Variants in TENM2 observed in about 807,000 individuals in gnomAD.
TENM2 encodes teneurin transmembrane protein 2.
Under a neutral mutation model 245.2 loss-of-function variants are expected in TENM2, and 52 were observed. That is an observed-to-expected ratio of 0.21 (90% CI 0.17 to 0.27). TENM2 has a LOEUF of 0.27. Among genes scored for constraint, TENM2 ranks in the 10% least tolerant of loss-of-function variants. TENM2 has a pLI of 1.00. For synonymous variants in TENM2, 1,363 were observed against 1,438.9 expected (o/e 0.95, Z 1.19); for missense variants, 3,046 against 3,666.8 (o/e 0.83, Z 4.37).
chr5:168,182,206 G>A (rs1353906728), intron 13 of TENM2, among the ~76,000 whole-genome samples: 1 of 152,174 alleles, frequency 6.6e-6, no homozygotes, highest in African/African-American at 2.4e-5. Context: ...AGTCAGCCTT[G>A]CCTATTCCTT....
chr5:168,148,615 C>T (rs542555129), intron 12 of TENM2, among the ~76,000 whole-genome samples: 145 of 152,178 alleles, frequency 9.5e-4, no homozygotes, highest in Admixed American at 1.6e-3. Context: ...TGATAGATGG[C>T]TTTAGATTCA....
intron 1 of TENM2, among the ~76,000 whole-genome samples, chr5:167,294,964 G>A (rs1031857593): frequency 6.6e-5 from 10 of 152,022 alleles, no homozygotes; most frequent in African/African-American, 2.2e-4. Context: ...GAAGCTTCCT[G>A]CCCTCTGAAT....
chr5:167,418,934 T>A (rs1763326463), intron 2 of TENM2, among the ~76,000 whole-genome samples: 1 of 152,176 alleles, frequency 6.6e-6, no homozygotes, highest in Non-Finnish European at 1.5e-5. Flanking sequence ...TAAAAAATTA[T>A]GATTGCTTCA....
chr5:167,159,282 C>T, the TENM2 span, among the ~76,000 whole-genome samples: 4 of 151,628 alleles, frequency 2.6e-5, no homozygotes, highest in African/African-American at 7.3e-5. Context: ...CTACAATTTC[C>T]CCCATATTCT....
intron 1 of TENM2, among the ~76,000 whole-genome samples, chr5:167,304,798 C>T (rs912705218): frequency 2.0e-5 from 3 of 152,082 alleles, no homozygotes; most frequent in African/African-American, 7.2e-5. Flanking sequence ...GTTTTCTAAA[C>T]ACATGCTTAG....
At chr5:168,142,585 G>A (rs889282273) in intron 12 of TENM2, among the ~76,000 whole-genome samples, 1 of 152,234 alleles carries the variant, frequency 6.6e-6, no homozygotes, top group African/African-American at 2.4e-5. Context: ...CCTGAAAGCA[G>A]CATGAGGCTG....
At chr5:167,431,962 T>TACATATATATATACATATATAC (rs1764272273) in intron 2 of TENM2, among the ~76,000 whole-genome samples, 1 of 124,120 alleles carries the variant, frequency 8.1e-6, no homozygotes, top group Non-Finnish European at 1.6e-5. Flanking sequence ...TATATATATG[T>TACATATATATATACATATATAC]ATATATATAT....
chr5:167,136,819 A>G, the TENM2 span, among the ~76,000 whole-genome samples: 3 of 152,158 alleles, frequency 2.0e-5, no homozygotes, highest in East Asian at 1.9e-4. Context: ...GATACATCTC[A>G]TATTGTATCT....
At chr5:167,526,964 A>C (rs1412573016) in intron 2 of TENM2, among the ~76,000 whole-genome samples, 1 of 152,084 alleles carries the variant, frequency 6.6e-6, no homozygotes, top group Non-Finnish European at 1.5e-5. Context: ...ACATCAAAAC[A>C]GCATGGAGTT....
intron 2 of TENM2, among the ~76,000 whole-genome samples, chr5:167,828,182 A>G (rs1768148684): frequency 6.6e-6 from 1 of 152,210 alleles, no homozygotes; most frequent in Non-Finnish European, 1.5e-5. Flanking sequence ...GAGGAAAAGA[A>G]GTCAGTGAAG....
chr5:168,233,544 A>G (rs1413929901), intron 25 of TENM2, among the ~76,000 whole-genome samples: 1 of 152,146 alleles, frequency 6.6e-6, no homozygotes, highest in Admixed American at 6.5e-5. Context: ...TTGCCCCTAC[A>G]TCTGTCTGGA....
intron 4 of TENM2, among the ~76,000 whole-genome samples, chr5:167,960,812 C>T (rs1012298870): frequency 6.6e-6 from 1 of 152,154 alleles, no homozygotes; most frequent in African/African-American, 2.4e-5. Context: ...TGCTTGAAAC[C>T]CAGGGCCCTG....
chr5:167,422,086 G>A (rs779592453), intron 2 of TENM2, among the ~76,000 whole-genome samples: 3 of 152,188 alleles, frequency 2.0e-5, no homozygotes, highest in South Asian at 2.1e-4. Context: ...CACCATTCCC[G>A]GCCGGTAGTA....
chr5:167,004,828 G>C, the TENM2 span, among the ~76,000 whole-genome samples: 83 of 152,152 alleles, frequency 5.5e-4, 1 homozygote, highest in African/African-American at 2.0e-3. Flanking sequence ...ACTGTGCAGC[G>C]TGCTTGTGCA....
intron 7 of TENM2, among the ~76,000 whole-genome samples, chr5:168,064,346 C>T: frequency 6.6e-6 from 1 of 152,164 alleles, no homozygotes; most frequent in East Asian, 1.9e-4. Context: ...TGCCTCTCAA[C>T]CAGTTGCATG....
chr5:167,192,631 G>A, the TENM2 span, among the ~76,000 whole-genome samples: 1 of 152,070 alleles, frequency 6.6e-6, no homozygotes, highest in African/African-American at 2.4e-5. Flanking sequence ...TCCCAATGGA[G>A]TCAGATAGGC....
At chr5:168,035,520 A>G (rs1787587303) in intron 5 of TENM2, among the ~76,000 whole-genome samples, 1 of 150,982 alleles carries the variant, frequency 6.6e-6, no homozygotes, top group Non-Finnish European at 1.5e-5. Context: ...AAAAAAAGTC[A>G]TAAGTGGCTT....
chr5:167,539,266 A>C (rs1297335129), intron 2 of TENM2, among the ~76,000 whole-genome samples: 1 of 152,230 alleles, frequency 6.6e-6, no homozygotes, highest in African/African-American at 2.4e-5. Flanking sequence ...TACATGACTT[A>C]ATATTTATGA....
the TENM2 span, among the ~76,000 whole-genome samples, chr5:167,229,509 T>C: frequency 6.6e-6 from 1 of 152,266 alleles, no homozygotes; most frequent in Admixed American, 6.5e-5. Flanking sequence ...TAAGCTGATG[T>C]TGAGGGTAAT....
Sources: allele counts gnomAD v4.1 joint callset (sites outside exome capture counted in the v4.1 genomes callset), GRCh38; gene constraint gnomAD v4.1.1; transcripts MANE v1.5; gene names NCBI Gene and HGNC (gene_info 2026-07-23, HGNC 2026-07-21).